The following BBS9 variants were observed in gnomAD, a reference collection of about 807,000 sequenced individuals.
BBS9 encodes the protein Bardet-Biedl syndrome 9, also known as protein PTHB1.
A neutral mutation model predicts 117.7 loss-of-function variants in BBS9; 89 were observed. That is an observed-to-expected ratio of 0.76 (90% CI 0.64 to 0.90). BBS9 has a LOEUF of 0.90. BBS9 is among the 40% of genes least tolerant of loss of function. The pLI is 0.00. For missense variants in BBS9, 982 were observed against 1,042.2 expected (o/e 0.94, Z 0.80); for synonymous variants, 379 against 370.9 (o/e 1.02, Z -0.25).
intron 9 of BBS9, among the ~76,000 whole-genome samples, chr7:33,304,806 T>C (rs1421773426): frequency 6.6e-6 from 1 of 152,226 alleles, no homozygotes; most frequent in South Asian, 2.1e-4. Flanking sequence ...TTCTTCTGCC[T>C]TGGGATGCTG....
intron 9 of BBS9, among the ~76,000 whole-genome samples, chr7:33,277,993 G>C (rs1458731083): frequency 6.6e-6 from 1 of 152,114 alleles, no homozygotes; most frequent in African/African-American, 2.4e-5. Flanking sequence ...AAAGACAGTT[G>C]AGTTTTGGGG....
chr7:33,439,274 A>C (rs1835775693), intron 19 of BBS9, among the ~76,000 whole-genome samples: 1 of 152,050 alleles, frequency 6.6e-6, no homozygotes, highest in African/African-American at 2.4e-5. Context: ...GAATTATCTC[A>C]TGGGGTATTG....
Position 33,453,360 on chromosome 7 carries a change from C to A in BBS9, c.2116-52103C>A, listed in dbSNP as rs563398863. 1.5e-4 allele frequency among the ~76,000 whole-genome samples: 23 copies of A among 152,140 alleles called. 1 individual carries two copies. In the South Asian group the frequency reaches 4.8e-3, roughly 32 times the overall value. ...CCACATGGGCTTGAACTACACAGAT[C>A]CACTTATATGTTCATTTTCTTGTGC... On this transcript the variant is annotated intron_variant, in intron 19 of 22. Coordinates refer to ENST00000242067, the MANE Select transcript of BBS9 (RefSeq NM_198428.3).
intron 9 of BBS9, among the ~76,000 whole-genome samples, chr7:33,306,647 G>A (rs1269041819): frequency 4.6e-5 from 7 of 152,040 alleles, no homozygotes; most frequent in Non-Finnish European, 1.0e-4. Context: ...TTTCTTGAAA[G>A]GTTATGTTGT....
At chr7:33,221,917 A>T (rs577850897) in intron 5 of BBS9, among the ~76,000 whole-genome samples, 1 of 152,348 alleles carries the variant, frequency 6.6e-6, no homozygotes, top group South Asian at 2.1e-4. Context: ...ATACACACAC[A>T]CACACATATA....
At chr7:33,317,030 A>T (rs1810652678) in intron 9 of BBS9, among the ~76,000 whole-genome samples, 1 of 152,164 alleles carries the variant, frequency 6.6e-6, no homozygotes, top group South Asian at 2.1e-4. Flanking sequence ...TCCATCTCAA[A>T]TTAATTTTTG....
intron 6 of BBS9, among the ~76,000 whole-genome samples, chr7:33,259,796 T>C (rs1377091327): frequency 6.6e-6 from 1 of 152,148 alleles, no homozygotes; most frequent in Non-Finnish European, 1.5e-5. Flanking sequence ...CAGAATTATT[T>C]AGTCAGTAAT....
At chr7:33,161,848 G>T (rs1437802178) in intron 4 of BBS9, among the ~76,000 whole-genome samples, 1 of 152,162 alleles carries the variant, frequency 6.6e-6, no homozygotes, top group Non-Finnish European at 1.5e-5. Flanking sequence ...TTGTGGTTTT[G>T]ATTTGCATTT....
intron 19 of BBS9, among the ~76,000 whole-genome samples, chr7:33,435,682 G>T (rs1411124361): frequency 6.6e-6 from 1 of 152,140 alleles, no homozygotes. Context: ...GAACCAGTTT[G>T]CCCCATTTGC....
chr7:33,565,819 A>ACCTC (rs1563370126), intron 21 of BBS9, among the ~76,000 whole-genome samples: 1 of 60,030 alleles, frequency 1.7e-5, no homozygotes, highest in Non-Finnish European at 2.7e-5. Context: ...ATATATATAT[A>ACCTC]TATATATACC....
chr7:33,407,676 T>C (rs1830291147), intron 19 of BBS9, among the ~76,000 whole-genome samples: 1 of 152,248 alleles, frequency 6.6e-6, no homozygotes, highest in Non-Finnish European at 1.5e-5. Flanking sequence ...GCTGCAGGTC[T>C]GTTGGAGTTT....
chr7:33,589,220 A>C (rs1266990057), intron 21 of BBS9, among the ~76,000 whole-genome samples: 2 of 152,082 alleles, frequency 1.3e-5, no homozygotes, highest in Non-Finnish European at 2.9e-5. Context: ...CTATGAAAAA[A>C]TGTTGTGTTT....
At position 33,152,595 on chromosome 7, in the gene BBS9, C is replaced by A. The variant is rs996103797; in HGVS notation, c.113-106C>A. On this transcript the variant is annotated intron_variant, in intron 2 of 22. Coordinates refer to ENST00000242067, the MANE Select transcript of BBS9 (RefSeq NM_198428.3). ...TTTGTGTATAAAGCAAGACTGAATTCTTTTAATTTTTAGATTTCTCTTTTA... is the reference window on the plus strand; with the variant it reads ...TTTGTGTATAAAGCAAGACTGAATTATTTTAATTTTTAGATTTCTCTTTTA... The A allele has an allele frequency of 4.1e-5, 46 of 1,113,498 alleles. No homozygotes were observed. The East Asian group carries it at 1.2e-3, about 28-fold the overall frequency. 69.0% of individuals were successfully genotyped at this position (1,113,498 alleles called of 1,614,324 possible). A position where few individuals can be genotyped will look rare whatever the true frequency, so the allele number is the denominator to read the frequency against.
chr7:33,193,976 C>A (rs183805933), intron 5 of BBS9, among the ~76,000 whole-genome samples: 1 of 152,202 alleles, frequency 6.6e-6, no homozygotes. Context: ...TGAGGCTTCA[C>A]ATGGCAATTC....
intron 16 of BBS9, among the ~76,000 whole-genome samples, chr7:33,365,679 G>T (rs1370076201): frequency 1.3e-5 from 2 of 152,266 alleles, no homozygotes; most frequent in Admixed American, 6.5e-5. Context: ...TGAAGCATGG[G>T]TATGTGTAAA....
chr7:33,181,886 A>T lies in BBS9; in HGVS notation c.442+4295A>T, dbSNP rs540306243. ...ATCACGAGGTCAGGAGATCGAGACC[A>T]TCCTGGCTAACACGGTGAAACCCCG... On this transcript the variant is annotated intron_variant, in intron 5 of 22. Transcript: ENST00000242067. 2.0e-5 allele frequency among the ~76,000 whole-genome samples: 3 copies of T among 152,304 alleles called. No homozygotes were observed. In the South Asian group the frequency reaches 6.2e-4, roughly 32 times the overall value.
At chr7:33,257,153 A>T in intron 5 of BBS9, 83 bp from the exon 6 acceptor site, 1 of 970,440 alleles carries the variant, frequency 1.0e-6, no homozygotes. Context: ...TGCCTAAGAC[A>T]TACATGTTGT....
At chr7:33,529,584 C>T (rs1850241464) in intron 20 of BBS9, among the ~76,000 whole-genome samples, 1 of 152,090 alleles carries the variant, frequency 6.6e-6, no homozygotes, top group African/African-American at 2.4e-5. Flanking sequence ...ATTTAACTAA[C>T]ACCTTCTCCC....
At chr7:33,228,594 G>A (rs1004835727) in intron 5 of BBS9, among the ~76,000 whole-genome samples, 3 of 152,098 alleles carry the variant, frequency 2.0e-5, no homozygotes, top group African/African-American at 7.2e-5. Flanking sequence ...TTAGCCTACT[G>A]TTGCCTTACT....
Sources: gnomAD v4.1 joint callset for allele counts (sites outside exome capture counted in the v4.1 genomes callset) on GRCh38, gnomAD v4.1.1 for gene constraint, MANE v1.5 for transcripts, NCBI Gene and HGNC (gene_info 2026-07-23, HGNC 2026-07-21) for gene names.